Variants in KRT86 observed in about 807,000 individuals in gnomAD.
The protein encoded by KRT86 is keratin, type II cuticular Hb6.
KRT86 carries 30 observed loss-of-function variants against 41.2 expected under a neutral mutation model. The ratio of observed to expected loss-of-function variants is 0.73; its 90% CI spans 0.54 to 0.99. The LOEUF (loss-of-function observed/expected upper bound fraction) is 0.99. KRT86 is among the 50% of genes least tolerant of loss of function. The pLI, the probability that KRT86 is intolerant of heterozygous loss-of-function variation, is 0.00. For synonymous variants in KRT86, 238 were observed against 238.1 expected, an observed-to-expected ratio of 1.00 and a Z score of 0.00; for missense variants, 561 against 571.4, an observed-to-expected ratio of 0.98 and a Z score of 0.19.
chr12:52,287,499 G>A (rs193111216), intron 2 of KRT86: 46 of 1,608,756 alleles, frequency 2.9e-5, no homozygotes, highest in African/African-American at 1.5e-4. Flanking sequence ...CAAAGGGGGT[G>A]GAGAATGAAT....
rs1002143505 is a variant in KRT86 at position 52,288,250 on chromosome 12, C to A, written c.-5+12304C>A. On this transcript the variant is annotated intron_variant, in intron 2 of 10. Transcript: ENST00000423955. ...TTTCTCTGGTCCCCAACCCTGCCCC[C>A]TCACACAGCCTCAGGGACTGCAACC... is the stretch of plus-strand genomic sequence containing the variant. The A allele has an allele frequency of 3.1e-6, 5 of 1,598,874 alleles. No homozygotes were observed. In the South Asian group the frequency reaches 3.3e-5, roughly 11 times the overall value.
At position 52,306,292 on chromosome 12, in the gene KRT86, A is replaced by G. The variant is rs376768000; in HGVS notation, c.1247+12A>G. ...GGCGAGGAGCAGAGGTGGGTCCCAT[A>G]GACCTTTCCCTTTCCCAGCCCTGCC... On this transcript the variant is annotated intron_variant, in intron 9 of 10. Transcript: ENST00000423955. The G allele has an allele frequency of 1.0e-4, 161 of 1,613,066 alleles. No individual in the cohort carries two copies. The highest frequency in any genetic ancestry group is 1.3e-4 in the Non-Finnish European group (158 of 1,180,022).
chr12:52,304,784 C>T lies in KRT86; in HGVS notation c.640-148C>T, dbSNP rs143522803. The T allele has an allele frequency of 2.1e-3, 1,965 of 943,826 alleles. 6 individuals carry two copies. Among genetic ancestry groups the T allele is most frequent in the Non-Finnish European group, 2.7e-3 (1,540 of 574,060 alleles). 58.5% of individuals were successfully genotyped at this position (943,826 alleles called of 1,614,324 possible). On this transcript the variant is annotated intron_variant, in intron 5 of 10. Transcript: ENST00000423955. ...AATGGCAGAGGATGCCAGGTCACCC[C>T]GGGAAGGGCCAGAAGGGAAGGAGAG...
At chr12:52,301,879 T>A in intron 2 of KRT86, 34 bp from the exon 3 acceptor site, 1 of 1,613,596 alleles carries the variant, frequency 6.2e-7, no homozygotes. Context: ...TTCGGACGTC[T>A]CCATCCTCAG....
intron 2 of KRT86, 32 bp from the exon 3 acceptor site, chr12:52,301,881 C>G (rs1343514845): frequency 1.2e-6 from 2 of 1,613,546 alleles, no homozygotes; most frequent in Non-Finnish European, 8.5e-7. Context: ...CGGACGTCTC[C>G]ATCCTCAGAA....
At chr12:52,281,250 C>T (rs949390) in intron 2 of KRT86, among the ~76,000 whole-genome samples, 40,306 of 152,156 alleles carry the variant, frequency 0.26, 6,025 homozygotes, top group East Asian at 0.4. Context: ...CATTGCTTCT[C>T]AGCAGAAGGG....
intron 2 of KRT86, among the ~76,000 whole-genome samples, chr12:52,295,568 G>T (rs558705640): frequency 1.3e-5 from 2 of 152,274 alleles, no homozygotes; most frequent in South Asian, 4.2e-4. Context: ...TGCTCTCAGG[G>T]TTCAGGGCCA....
At chr12:52,286,335 C>T (rs1565739262) in intron 2 of KRT86, 16 of 1,554,990 alleles carry the variant, frequency 1.0e-5, no homozygotes, top group Non-Finnish European at 1.2e-5. Context: ...CAGGAACCCC[C>T]TCCGCAGGTG....
intron 2 of KRT86, among the ~76,000 whole-genome samples, chr12:52,283,957 G>A (rs1937843021): frequency 6.6e-6 from 1 of 152,218 alleles, no homozygotes; most frequent in Admixed American, 6.5e-5. Flanking sequence ...GGAACCTAGA[G>A]GGAGGTGAGG....
intron 2 of KRT86, chr12:52,286,896 G>GTAGGGTCCA: frequency 6.3e-7 from 1 of 1,575,656 alleles, no homozygotes; most frequent in East Asian, 2.2e-5. Flanking sequence ...AGTTCATAGG[G>GTAGGGTCCA]TAGGGTCCAC....
At chr12:52,296,996 C>T (rs1253032045) in intron 2 of KRT86, among the ~76,000 whole-genome samples, 2 of 152,222 alleles carry the variant, frequency 1.3e-5, no homozygotes, top group African/African-American at 4.8e-5. Context: ...CCTCTCTCTC[C>T]GCTGTCACAG....
chr12:52,308,573 TAAG>T lies in KRT86; in HGVS notation c.1451_1453del (p.Lys484del). ...GGGTTGGCGTCTGCGGCGGCAGCTG[TAAG>T]AGGTGCTAGGAGGCTGCCGCCTCCG... is the stretch of plus-strand genomic sequence containing the variant. On this transcript the variant is annotated inframe_deletion, in exon 11 of 11. Coordinates refer to ENST00000423955, the MANE Select transcript of KRT86 (RefSeq NM_001320198.2). The T allele has an allele frequency of 6.3e-7, 1 of 1,598,206 alleles. No homozygotes were observed. The highest frequency in any genetic ancestry group is 1.1e-5 in the South Asian group (1 of 91,052).
At chr12:52,299,160 C>CA (rs1247118110) in intron 2 of KRT86, among the ~76,000 whole-genome samples, 1 of 152,172 alleles carries the variant, frequency 6.6e-6, no homozygotes, top group Non-Finnish European at 1.5e-5. Flanking sequence ...CTGATGAGAT[C>CA]AATTTTTTTA....
At chr12:52,291,947 A>T (rs904035249) in intron 2 of KRT86, among the ~76,000 whole-genome samples, 1 of 152,142 alleles carries the variant, frequency 6.6e-6, no homozygotes, top group Non-Finnish European at 1.5e-5. Flanking sequence ...AGGCTGAGGC[A>T]TTAATAAATA....
At chr12:52,305,825 G>T in intron 8 of KRT86, 37 bp downstream of exon 8, 1 of 1,613,950 alleles carries the variant, frequency 6.2e-7, no homozygotes, top group Non-Finnish European at 8.5e-7. Context: ...GAGAGACCGA[G>T]GGTCTAACCA....
intron 2 of KRT86, among the ~76,000 whole-genome samples, chr12:52,285,618 G>T (rs1489436378): frequency 6.6e-6 from 1 of 152,180 alleles, no homozygotes; most frequent in Non-Finnish European, 1.5e-5. Context: ...CACACACAGG[G>T]CTTAAACCCC....
chr12:52,291,963 T>G (rs1000994955), intron 2 of KRT86, among the ~76,000 whole-genome samples: 13 of 152,070 alleles, frequency 8.5e-5, no homozygotes, highest in African/African-American at 3.1e-4. Context: ...AAATACCATC[T>G]CTCATTTCCA....
chr12:52,305,149 T>A (rs1288417666), intron 6 of KRT86, 91 bp from the exon 7 acceptor site: 5 of 1,609,974 alleles, frequency 3.1e-6, no homozygotes, highest in Non-Finnish European at 4.2e-6. Context: ...GGGGCAGGGT[T>A]GGGGACCAGA....
At chr12:52,283,016 C>A (rs969276882) in intron 2 of KRT86, among the ~76,000 whole-genome samples, 6 of 152,202 alleles carry the variant, frequency 3.9e-5, no homozygotes, top group African/African-American at 1.4e-4. Flanking sequence ...AATATACAAA[C>A]AACATGCGCA....
Sources: gnomAD v4.1 joint callset for allele counts (sites outside exome capture counted in the v4.1 genomes callset) on GRCh38, gnomAD v4.1.1 for gene constraint, MANE v1.5 for transcripts, NCBI Gene and HGNC (gene_info 2026-07-23, HGNC 2026-07-21) for gene names.